The following WBP4 variants were observed in gnomAD, a reference collection of about 807,000 sequenced individuals.
WBP4 encodes the protein WW domain binding protein 4.
Under a neutral mutation model 55.4 loss-of-function variants are expected in WBP4, and 37 were observed. The ratio of observed to expected loss-of-function variants is 0.67; its 90% CI spans 0.51 to 0.88. The LOEUF (loss-of-function observed/expected upper bound fraction) is 0.88, where lower values mean the gene tolerates loss of function less well. Among genes scored for constraint, WBP4 ranks in the 40% least tolerant of loss-of-function variants. WBP4 has a pLI of 0.00. For missense variants in WBP4, 398 were observed against 420.8 expected, an observed-to-expected ratio of 0.95 and a Z score of 0.47; for synonymous variants, 142 against 140.2, an observed-to-expected ratio of 1.01 and a Z score of -0.09.
At chr13:41,082,224 C>T (rs564248182) in intron 9 of WBP4, among the ~76,000 whole-genome samples, 2 of 152,238 alleles carry the variant, frequency 1.3e-5, no homozygotes, top group South Asian at 2.1e-4. Flanking sequence ...GTGATCCTCT[C>T]ACCTCAGCCT....
intron 7 of WBP4, among the ~76,000 whole-genome samples, chr13:41,074,051 C>G (rs1878369149): frequency 6.6e-6 from 1 of 151,680 alleles, no homozygotes; most frequent in Admixed American, 6.6e-5. Context: ...CCTGCCTCAG[C>G]CTCCCAAGTA....
intron 8 of WBP4, among the ~76,000 whole-genome samples, chr13:41,078,150 T>G (rs532075266): frequency 2.0e-5 from 3 of 152,306 alleles, no homozygotes; most frequent in South Asian, 2.1e-4. Context: ...ATTCTGAAAT[T>G]TATGTGAAAC....
intron 6 of WBP4, among the ~76,000 whole-genome samples, chr13:41,072,328 C>T (rs771368780): frequency 5.9e-5 from 9 of 152,134 alleles, no homozygotes; most frequent in Non-Finnish European, 1.2e-4. Context: ...GGTAATTTAT[C>T]AAGAAAAGAG....
chr13:41,069,389 G>A (rs1339521696), intron 5 of WBP4, among the ~76,000 whole-genome samples: 10 of 152,052 alleles, frequency 6.6e-5, no homozygotes, highest in African/African-American at 1.7e-4. Flanking sequence ...TAGGCTAGGC[G>A]CGGTGGCTCA....
chr13:41,078,939 CAAAAAT>C (rs1319380727), intron 8 of WBP4, among the ~76,000 whole-genome samples: 5 of 151,840 alleles, frequency 3.3e-5, no homozygotes, highest in Non-Finnish European at 7.4e-5. Flanking sequence ...AAAGTAAACA[CAAAAAT>C]AAAAATAGAC....
At chr13:41,081,764 T>C (rs78169557) in intron 9 of WBP4, among the ~76,000 whole-genome samples, 12,784 of 152,194 alleles carry the variant, frequency 0.084, 768 homozygotes, top group Middle Eastern at 0.15. Flanking sequence ...CTTTGAGCTA[T>C]GATGGCACCA....
At chr13:41,069,074 A>G (rs910202063) in intron 5 of WBP4, among the ~76,000 whole-genome samples, 2 of 152,192 alleles carry the variant, frequency 1.3e-5, no homozygotes, top group Non-Finnish European at 2.9e-5. Flanking sequence ...CACTTCACAA[A>G]TTGTAGGGGT....
intron 5 of WBP4, among the ~76,000 whole-genome samples, chr13:41,070,909 G>A (rs937095592): frequency 6.6e-6 from 1 of 152,148 alleles, no homozygotes; most frequent in African/African-American, 2.4e-5. Flanking sequence ...ATTACCTTTG[G>A]ACTATGTAGA....
chr13:41,061,980 G>C, intron 1 of WBP4: 2 of 931,016 alleles, frequency 2.1e-6, no homozygotes, highest in Non-Finnish European at 2.6e-6. Flanking sequence ...CGCTGTCGGG[G>C]GTCGCATGCA....
chr13:41,068,421 G>A (rs182044769), intron 4 of WBP4, 140 bp from the exon 5 acceptor site: 17 of 736,946 alleles, frequency 2.3e-5, no homozygotes, highest in African/African-American at 9.1e-5. Flanking sequence ...TTATTTTTCC[G>A]AATGAACTTT....
chr13:41,067,126 G>T (rs549905899), intron 4 of WBP4, among the ~76,000 whole-genome samples: 1 of 152,142 alleles, frequency 6.6e-6, no homozygotes, highest in South Asian at 2.1e-4. Flanking sequence ...CAGTCCCAGC[G>T]ATTTTTTGGT....
chr13:41,065,289 TAAAAAAAAA>T lies in WBP4; in HGVS notation c.262+15_262+23del. 5.5e-6 allele frequency: 7 copies of T among 1,262,552 alleles called. No individual in the cohort carries two copies. The highest frequency in any genetic ancestry group is 4.3e-5 in the Admixed American group (1 of 23,106). The allele number at this position is 1,262,552 out of a possible 1,614,324, so 78.2% of individuals were successfully genotyped here. A position where few individuals can be genotyped will look rare whatever the true frequency, so the allele number is the denominator to read the frequency against. On this transcript the variant is annotated splice_donor_5th_base_variant and intron_variant, in intron 4 of 9. Coordinates refer to ENST00000379487, the MANE Select transcript of WBP4 (RefSeq NM_007187.5). ...TGAAAAGACTTGGCTTAGAGTCAGG[TAAAAAAAAA>T]AAAAAAAAAAAAGCAGCCAGCATGT...
In WBP4 at chr13:41,062,729, C is replaced by A; in HGVS notation, c.75+13C>A. 1 of 1,596,632 alleles carries A rather than the reference C, an allele frequency of 6.3e-7. No individual in the cohort carries two copies. Among genetic ancestry groups the A allele is most frequent in the Non-Finnish European group, 8.5e-7 (1 of 1,170,038 alleles). Reference sequence around the variant, plus strand: ...AGACAATAGGCCTGTATGATAATTCCGCTGTTAGAGATTCTAATAATAATT... The same window carrying A: ...AGACAATAGGCCTGTATGATAATTCAGCTGTTAGAGATTCTAATAATAATT... On this transcript the variant is annotated intron_variant, in intron 2 of 9. Transcript: ENST00000379487.
intron 6 of WBP4, 69 bp from the exon 7 acceptor site, chr13:41,072,713 C>T: frequency 7.1e-7 from 1 of 1,416,108 alleles, no homozygotes; most frequent in Non-Finnish European, 9.9e-7. Flanking sequence ...GGGTGGCTGA[C>T]TGTCTGAGTT....
At position 41,082,808 on chromosome 13, in the gene WBP4, T is replaced by C. The variant is rs759101408; in HGVS notation, c.1025T>C (p.Val342Ala). 1 of 1,614,028 alleles carries C rather than the reference T, an allele frequency of 6.2e-7. No homozygotes were observed. The highest frequency in any genetic ancestry group is 1.1e-5 in the South Asian group (1 of 91,080). The part of the protein sequence containing the change: ...EPKVVFKEKT[V>A]TSLGVMADGV... ...AAAGTGGTATTTAAAGAAAAAACAG[T>C]CACTTCTCTTGGAGTTATGGCAGAT... Residue 342 changes from valine (V) to alanine (A), a missense_variant, in exon 10 of 10, where the codon GTC becomes GCC. Coordinates refer to ENST00000379487, the MANE Select transcript of WBP4 (RefSeq NM_007187.5).
intron 4 of WBP4, 89 bp downstream of exon 4, chr13:41,065,376 A>G (rs1593425146): frequency 6.9e-7 from 1 of 1,457,852 alleles, no homozygotes; most frequent in East Asian, 2.4e-5. Context: ...GCTTCCATAA[A>G]GAGGTTATAA....
At chr13:41,063,311 C>G (rs1353128677) in intron 2 of WBP4, among the ~76,000 whole-genome samples, 1 of 152,148 alleles carries the variant, frequency 6.6e-6, no homozygotes, top group Admixed American at 6.5e-5. Context: ...TATGTACATA[C>G]CACATAAACA....
At chr13:41,062,208 G>C in intron 1 of WBP4, 3 of 976,362 alleles carry the variant, frequency 3.1e-6, no homozygotes, top group Non-Finnish European at 3.6e-6. Context: ...CTGAGAGTCT[G>C]GGAGGAACTA....
chr13:41,065,289 TAAAAA>T lies in WBP4; in HGVS notation c.262+19_262+23del, dbSNP rs58699334. 2.0e-3 allele frequency: 2,569 copies of T among 1,258,708 alleles called. No individual in the cohort carries two copies. The highest frequency in any genetic ancestry group is 6.5e-3 in the Admixed American group (149 of 23,016). 78.0% of individuals were successfully genotyped at this position (1,258,708 alleles called of 1,614,324 possible). On this transcript the variant is annotated splice_donor_5th_base_variant and intron_variant, in intron 4 of 9. Coordinates refer to ENST00000379487, the MANE Select transcript of WBP4 (RefSeq NM_007187.5). ...TGAAAAGACTTGGCTTAGAGTCAGG[TAAAAA>T]AAAAAAAAAAAAAAAAGCAGCCAGC... is the stretch of plus-strand genomic sequence containing the variant.
Sources: gnomAD v4.1 joint callset for allele counts (sites outside exome capture counted in the v4.1 genomes callset) on GRCh38, gnomAD v4.1.1 for gene constraint, MANE v1.5 for transcripts, NCBI Gene and HGNC (gene_info 2026-07-23, HGNC 2026-07-21) for gene names.